Variants in TRPM3 observed in about 807,000 individuals in gnomAD.
TRPM3 encodes the protein long transient receptor potential channel 3.
In TRPM3, 77 loss-of-function variants were observed where a neutral mutation model predicts 181.2. The ratio of observed to expected loss-of-function variants is 0.42; its 90% CI spans 0.35 to 0.51. The LOEUF (loss-of-function observed/expected upper bound fraction) is 0.51. Ranked by LOEUF, TRPM3 falls within the 20% of genes least tolerant of loss-of-function variation. TRPM3 has a pLI of 0.01. For synonymous variants in TRPM3, 745 were observed against 796.4 expected, an observed-to-expected ratio of 0.94 and a Z score of 1.09; for missense variants, 1,759 against 2,196.7, an observed-to-expected ratio of 0.80 and a Z score of 3.98.
intron 14 of TRPM3, among the ~76,000 whole-genome samples, chr9:70,623,627 G>T (rs1469209038): frequency 6.6e-6 from 1 of 152,180 alleles, no homozygotes; most frequent in Non-Finnish European, 1.5e-5. Context: ...GATGTCATTA[G>T]ACTCCAGTGT....
chr9:71,355,972 C>G (rs190821895), intron 1 of TRPM3, among the ~76,000 whole-genome samples: 133 of 152,088 alleles, frequency 8.7e-4, no homozygotes, highest in African/African-American at 2.7e-3. Context: ...TTAGAAAAAG[C>G]ACACTTCAGG....
At chr9:71,396,685 G>A (rs1267009003) in intron 1 of TRPM3, among the ~76,000 whole-genome samples, 2 of 151,854 alleles carry the variant, frequency 1.3e-5, no homozygotes, top group African/African-American at 2.4e-5. Context: ...AAAAATGCCG[G>A]GCGTGGTGGC....
At chr9:70,552,818 C>G in intron 24 of TRPM3, 26 bp downstream of exon 24, 1 of 1,612,142 alleles carries the variant, frequency 6.2e-7, no homozygotes, top group South Asian at 1.1e-5. Flanking sequence ...TGATTTGTGG[C>G]AGCTCGGCTG....
intron 1 of TRPM3, among the ~76,000 whole-genome samples, chr9:71,388,696 C>G (rs188180467): frequency 6.6e-6 from 1 of 152,076 alleles, no homozygotes; most frequent in Non-Finnish European, 1.5e-5. Flanking sequence ...CATGTACCAC[C>G]CAAGGGAGAC....
intron 1 of TRPM3, among the ~76,000 whole-genome samples, chr9:70,977,381 G>A (rs541822953): frequency 6.6e-6 from 1 of 152,312 alleles, no homozygotes; most frequent in East Asian, 1.9e-4. Flanking sequence ...TGATCCCCCG[G>A]CATTGGCCTC....
intron 1 of TRPM3, among the ~76,000 whole-genome samples, chr9:71,318,076 C>G (rs528551051): frequency 6.6e-6 from 1 of 151,928 alleles, no homozygotes; most frequent in African/African-American, 2.4e-5. Context: ...ACTGGAAGAC[C>G]CTGTCTCTAC....
chr9:71,256,531 A>T (rs920463596), intron 1 of TRPM3, among the ~76,000 whole-genome samples: 6 of 152,136 alleles, frequency 3.9e-5, no homozygotes, highest in African/African-American at 1.4e-4. Flanking sequence ...GAGGGGAAAA[A>T]AAAAGATTCC....
chr9:70,840,591 C>A (rs554889747), intron 5 of TRPM3, among the ~76,000 whole-genome samples: 5 of 150,988 alleles, frequency 3.3e-5, no homozygotes, highest in Non-Finnish European at 7.4e-5. Flanking sequence ...TTGCATACAA[C>A]CAAGAAGAAG....
At chr9:71,241,445 A>G (rs1354128604) in intron 1 of TRPM3, among the ~76,000 whole-genome samples, 1 of 146,370 alleles carries the variant, frequency 6.8e-6, no homozygotes, top group Non-Finnish European at 1.5e-5. Context: ...GAATTGAACA[A>G]TGAGAACACA....
intron 1 of TRPM3, among the ~76,000 whole-genome samples, chr9:71,112,394 AT>A (rs2071317684): frequency 6.6e-6 from 1 of 152,132 alleles, no homozygotes; most frequent in Non-Finnish European, 1.5e-5. Flanking sequence ...TACATATTTT[AT>A]TCTGGGTCAC....
chr9:70,593,924 T>C (rs2058557444), intron 21 of TRPM3, among the ~76,000 whole-genome samples: 1 of 147,526 alleles, frequency 6.8e-6, no homozygotes, highest in Non-Finnish European at 1.5e-5. Context: ...TACATTATAA[T>C]GTATAATGTA....
chr9:71,378,689 T>C (rs2092722261), intron 1 of TRPM3, among the ~76,000 whole-genome samples: 1 of 152,054 alleles, frequency 6.6e-6, no homozygotes, highest in Non-Finnish European at 1.5e-5. Flanking sequence ...ACTATTCAAA[T>C]TGTCAAAACA....
intron 24 of TRPM3, among the ~76,000 whole-genome samples, chr9:70,551,895 C>A (rs1310985148): frequency 1.3e-5 from 2 of 152,188 alleles, no homozygotes; most frequent in Admixed American, 6.5e-5. Flanking sequence ...ATTCCCAGGT[C>A]TCTCTAATGT....
chr9:70,815,126 T>C (rs1415640441), intron 6 of TRPM3, among the ~76,000 whole-genome samples: 2 of 152,052 alleles, frequency 1.3e-5, no homozygotes, highest in Non-Finnish European at 2.9e-5. Context: ...TAAGAAAATA[T>C]AATATGATTA....
At chr9:71,015,305 G>A (rs1016312359) in intron 1 of TRPM3, among the ~76,000 whole-genome samples, 2 of 152,148 alleles carry the variant, frequency 1.3e-5, no homozygotes, top group Non-Finnish European at 2.9e-5. Context: ...CACCTACCTT[G>A]TACCTTGGTA....
At chr9:71,170,269 G>C (rs1472062666) in intron 1 of TRPM3, among the ~76,000 whole-genome samples, 1 of 151,948 alleles carries the variant, frequency 6.6e-6, no homozygotes, top group Non-Finnish European at 1.5e-5. Flanking sequence ...GGAAGGGAAG[G>C]GACAGGGAAT....
chr9:71,056,407 T>C (rs577452936), intron 1 of TRPM3, among the ~76,000 whole-genome samples: 32 of 152,010 alleles, frequency 2.1e-4, no homozygotes, highest in Non-Finnish European at 3.8e-4. Flanking sequence ...TGAGACACTC[T>C]TCATAAATAT....
chr9:71,305,293 C>A (rs2087176718), intron 1 of TRPM3, among the ~76,000 whole-genome samples: 1 of 152,130 alleles, frequency 6.6e-6, no homozygotes, highest in African/African-American at 2.4e-5. Flanking sequence ...ATTCAGAAAC[C>A]TCTAGGACTG....
At chr9:70,869,446 T>C (rs765319173) in intron 1 of TRPM3, among the ~76,000 whole-genome samples, 3 of 149,960 alleles carry the variant, frequency 2.0e-5, no homozygotes, top group Non-Finnish European at 4.4e-5. Flanking sequence ...CAAATCCTTC[T>C]AAAGAAACAG....
Sources: gnomAD v4.1 joint callset for allele counts (sites outside exome capture counted in the v4.1 genomes callset) on GRCh38, gnomAD v4.1.1 for gene constraint, MANE v1.5 for transcripts, NCBI Gene and HGNC (gene_info 2026-07-23, HGNC 2026-07-21) for gene names.